The following LTBP1 variants were observed in gnomAD, a reference collection of about 807,000 sequenced individuals.
LTBP1 encodes latent transforming growth factor beta binding protein 1.
LTBP1 carries 129 observed loss-of-function variants against 207.6 expected under a neutral mutation model. The ratio of observed to expected loss-of-function variants is 0.62; its 90% CI spans 0.54 to 0.72. The LOEUF is 0.72. Ranked by LOEUF, LTBP1 falls within the 30% of genes least tolerant of loss-of-function variation. The probability of loss-of-function intolerance (pLI) is 0.00; values close to 1 mark genes in which losing one functional copy is unlikely to be tolerated. For missense variants in LTBP1, 2,281 were observed against 2,217.2 expected, an observed-to-expected ratio of 1.03 and a Z score of -0.58; for synonymous variants, 963 against 833.7, an observed-to-expected ratio of 1.16 and a Z score of -2.67.
intron 10 of LTBP1, among the ~76,000 whole-genome samples, chr2:33,250,294 T>C (rs1298697740): frequency 4.6e-5 from 7 of 152,136 alleles, no homozygotes; most frequent in African/African-American, 1.7e-4. Context: ...TTAAAGAAAA[T>C]GTGAATCATG....
chr2:33,097,186 G>A (rs1008023895), intron 3 of LTBP1, among the ~76,000 whole-genome samples: 4 of 152,012 alleles, frequency 2.6e-5, no homozygotes, highest in African/African-American at 9.7e-5. Flanking sequence ...TATCCACCGT[G>A]GTCTCTAAAC....
At chr2:33,026,857 GTGACATATTCA>G (rs1287961745) in intron 3 of LTBP1, among the ~76,000 whole-genome samples, 1 of 152,222 alleles carries the variant, frequency 6.6e-6, no homozygotes, top group Non-Finnish European at 1.5e-5. Context: ...TGATCCCAAA[GTGACATATTCA>G]TGTAAGTGCC....
intron 24 of LTBP1, among the ~76,000 whole-genome samples, chr2:33,329,562 T>G (rs1301807588): frequency 1.3e-5 from 2 of 152,140 alleles, no homozygotes; most frequent in African/African-American, 4.8e-5. Flanking sequence ...TGAAGTTTTT[T>G]TGCATATGGT....
chr2:33,394,229 C>T (rs2095340827), intron 32 of LTBP1, among the ~76,000 whole-genome samples: 1 of 151,980 alleles, frequency 6.6e-6, no homozygotes, highest in Admixed American at 6.6e-5. Flanking sequence ...TAAAAATTTT[C>T]TCCCATTCTG....
chr2:33,194,277 G>A (rs936757843), intron 7 of LTBP1, among the ~76,000 whole-genome samples: 3 of 152,036 alleles, frequency 2.0e-5, no homozygotes. Flanking sequence ...GAGCCACCGA[G>A]CCCGGCCACA....
At position 33,015,982 on chromosome 2, in the gene LTBP1, A is replaced by G. The variant is rs143771232; in HGVS notation, c.566-4927A>G. Among the ~76,000 whole-genome samples, 338 of 151,860 alleles carry G rather than the reference A, an allele frequency of 2.2e-3. 5 individuals carry two copies. The highest frequency in any genetic ancestry group is 7.5e-3 in the African/African-American group (311 of 41,388). ...GAGAACTCTGCCCCATAGTCCAGTC[A>G]CCTCCCACCAGGCCCCACCTCCAAC... On this transcript the variant is annotated intron_variant, in intron 2 of 33. Coordinates refer to ENST00000404816, the MANE Select transcript of LTBP1 (RefSeq NM_206943.4).
chr2:33,121,377 G>A (rs2081109331), intron 4 of LTBP1, among the ~76,000 whole-genome samples: 2 of 151,990 alleles, frequency 1.3e-5, no homozygotes, highest in South Asian at 2.1e-4. Flanking sequence ...GATTTAGAAA[G>A]CTTTGGCGAG....
chr2:33,303,794 C>A (rs2094037520), intron 22 of LTBP1, among the ~76,000 whole-genome samples: 1 of 152,184 alleles, frequency 6.6e-6, no homozygotes, highest in South Asian at 2.1e-4. Context: ...TCGCTCCCTG[C>A]TGCTCACCTC....
intron 3 of LTBP1, among the ~76,000 whole-genome samples, chr2:33,104,578 T>G (rs1558642124): frequency 6.6e-6 from 1 of 152,236 alleles, no homozygotes; most frequent in East Asian, 1.9e-4. Flanking sequence ...TTACCATTTT[T>G]GAACTGACTC....
intron 2 of LTBP1, among the ~76,000 whole-genome samples, chr2:32,996,972 C>T (rs1685384942): frequency 1.3e-5 from 2 of 152,072 alleles, no homozygotes; most frequent in Non-Finnish European, 2.9e-5. Context: ...GCAGTGTCCG[C>T]CTTCTGGGTC....
At chr2:33,012,987 C>G (rs1369046079) in intron 2 of LTBP1, among the ~76,000 whole-genome samples, 2 of 152,134 alleles carry the variant, frequency 1.3e-5, no homozygotes, top group African/African-American at 2.4e-5. Flanking sequence ...GGTAGTATCA[C>G]TTTATAGTTC....
intron 3 of LTBP1, among the ~76,000 whole-genome samples, chr2:33,064,072 C>T (rs2077389924): frequency 6.6e-6 from 1 of 152,054 alleles, no homozygotes; most frequent in South Asian, 2.1e-4. Flanking sequence ...CCAGGCTGGT[C>T]TCAAACTCCT....
At chr2:33,338,566 G>A (rs1400870815) in intron 24 of LTBP1, among the ~76,000 whole-genome samples, 3 of 147,136 alleles carry the variant, frequency 2.0e-5, no homozygotes, top group East Asian at 1.9e-4. Flanking sequence ...GCACAGCAGT[G>A]GCACAAAATG....
intron 3 of LTBP1, among the ~76,000 whole-genome samples, chr2:33,054,672 G>A (rs922826643): frequency 7.2e-5 from 11 of 152,204 alleles, no homozygotes; most frequent in African/African-American, 1.4e-4. Flanking sequence ...GGGTGGTAAC[G>A]GACCTTGAGG....
chr2:33,319,896 C>T (rs1220008657), intron 24 of LTBP1, among the ~76,000 whole-genome samples: 1 of 152,178 alleles, frequency 6.6e-6, no homozygotes, highest in Non-Finnish European at 1.5e-5. Context: ...CAAAATCACT[C>T]CCTGAAGTAT....
intron 23 of LTBP1, among the ~76,000 whole-genome samples, chr2:33,309,949 CTTT>C (rs397984258): frequency 7.3e-6 from 1 of 136,386 alleles, no homozygotes. Flanking sequence ...CCCGCCATTG[CTTT>C]TTTTTTTTTT....
chr2:33,255,296 C>T (rs1174810712), intron 11 of LTBP1, among the ~76,000 whole-genome samples: 1 of 151,992 alleles, frequency 6.6e-6, no homozygotes, highest in African/African-American at 2.4e-5. Context: ...CATCTCACAC[C>T]AGTTAGAATG....
At chr2:33,301,401 A>T in intron 21 of LTBP1, 121 bp from the exon 22 acceptor site, 2 of 1,194,390 alleles carry the variant, frequency 1.7e-6, no homozygotes, top group Non-Finnish European at 2.3e-6. Context: ...GCGACAATAC[A>T]TGATGGTCAT....
intron 3 of LTBP1, among the ~76,000 whole-genome samples, chr2:33,063,860 T>G (rs1469750234): frequency 6.6e-6 from 1 of 151,792 alleles, no homozygotes; most frequent in Non-Finnish European, 1.5e-5. Flanking sequence ...ATTCTTTTTT[T>G]TTTTTCTTTT....
Sources: allele counts gnomAD v4.1 joint callset (sites outside exome capture counted in the v4.1 genomes callset), GRCh38; gene constraint gnomAD v4.1.1; transcripts MANE v1.5; gene names NCBI Gene and HGNC (gene_info 2026-07-23, HGNC 2026-07-21).